The following DEPTOR variants were observed in gnomAD, a reference collection of about 807,000 sequenced individuals.
DEPTOR encodes the protein DEP domain-containing mTOR-interacting protein.
Under a neutral mutation model 41.6 loss-of-function variants are expected in DEPTOR, and 41 were observed. The observed-to-expected ratio is 0.98, with a 90% CI of 0.77 to 1.28. The LOEUF (loss-of-function observed/expected upper bound fraction) is 1.28. Ranked by LOEUF, DEPTOR falls within the 50% of genes most tolerant of loss-of-function variation. The pLI is 0.00. For missense variants in DEPTOR, 514 were observed against 527.9 expected, an observed-to-expected ratio of 0.97 and a Z score of 0.26; for synonymous variants, 195 against 192.3, an observed-to-expected ratio of 1.01 and a Z score of -0.12.
rs551767124 is a variant in DEPTOR at position 120,049,457 on chromosome 8, G to A, written c.1102-119G>A. 1.7e-5 allele frequency: 20 copies of A among 1,200,900 alleles called. No individual in the cohort carries two copies. The South Asian group carries it at 3.9e-4, about 23-fold the overall frequency. The allele number at this position is 1,200,900 out of a possible 1,614,324, so 74.4% of individuals were successfully genotyped here. ...ATTATTGAATTGGAGTCGTCAGCTGGATACATTTGGATATTTTAAGAATGA... is the reference window on the plus strand; with the variant it reads ...ATTATTGAATTGGAGTCGTCAGCTGAATACATTTGGATATTTTAAGAATGA... On this transcript the variant is annotated intron_variant, in intron 8 of 8. Coordinates refer to ENST00000286234, the MANE Select transcript of DEPTOR (RefSeq NM_022783.4).
chr8:119,997,158 T>G (rs1812278881), intron 4 of DEPTOR, among the ~76,000 whole-genome samples: 1 of 152,230 alleles, frequency 6.6e-6, no homozygotes, highest in Non-Finnish European at 1.5e-5. Context: ...TTTCCCAAGC[T>G]GGTCTTGAAT....
intron 8 of DEPTOR, among the ~76,000 whole-genome samples, chr8:120,014,665 C>A (rs1167272386): frequency 2.6e-5 from 4 of 151,852 alleles, no homozygotes. Flanking sequence ...GTAGCTGGGA[C>A]TACAGGCATG....
At chr8:119,935,999 GTTT>G (rs67211224) in intron 3 of DEPTOR, among the ~76,000 whole-genome samples, 8 of 123,850 alleles carry the variant, frequency 6.5e-5, no homozygotes, top group East Asian at 5.0e-4. Flanking sequence ...TAGTCTAGTT[GTTT>G]TTTTTTTTTT....
At chr8:120,018,501 C>T (rs569599329) in intron 8 of DEPTOR, among the ~76,000 whole-genome samples, 1 of 152,166 alleles carries the variant, frequency 6.6e-6, no homozygotes, top group Non-Finnish European at 1.5e-5. Flanking sequence ...ATTGCTTGAA[C>T]CCGGGAGGTG....
chr8:120,022,260 G>A (rs1445896042), intron 8 of DEPTOR, among the ~76,000 whole-genome samples: 1 of 151,094 alleles, frequency 6.6e-6, no homozygotes, highest in Non-Finnish European at 1.5e-5. Context: ...GGTATTACAA[G>A]TTCAAGCCCC....
At chr8:119,991,166 TG>T (rs1812168528) in intron 4 of DEPTOR, among the ~76,000 whole-genome samples, 1 of 151,228 alleles carries the variant, frequency 6.6e-6, no homozygotes, top group African/African-American at 2.4e-5. Flanking sequence ...TGCGAAGGTT[TG>T]TTATGTAAGT....
At chr8:120,022,847 C>A (rs574282540) in intron 8 of DEPTOR, among the ~76,000 whole-genome samples, 3 of 152,158 alleles carry the variant, frequency 2.0e-5, no homozygotes, top group Admixed American at 6.6e-5. Flanking sequence ...AAACTGCCCC[C>A]ACTTGTAAAG....
At chr8:120,028,471 T>TTTTC (rs1216259803) in intron 8 of DEPTOR, among the ~76,000 whole-genome samples, 4 of 148,770 alleles carry the variant, frequency 2.7e-5, no homozygotes, top group Non-Finnish European at 5.9e-5. Context: ...TTTTTTTTTT[T>TTTTC]TTTCCTGAGA....
rs1049905595 is a variant in DEPTOR at position 119,965,424 on chromosome 8, G to A, written c.604+14G>A. The A allele has an allele frequency of 2.5e-6, 4 of 1,606,100 alleles. No homozygotes were observed. The highest frequency in any genetic ancestry group is 1.3e-5 in the African/African-American group (1 of 74,574). ...TCATCCAGCATGGTGAGCGTATTGG[G>A]CAGCTTTTGCTGCAGGAACAAACAG... On this transcript the variant is annotated intron_variant, in intron 4 of 8. Transcript: ENST00000286234.
At chr8:119,942,884 G>A (rs1563972076) in intron 3 of DEPTOR, among the ~76,000 whole-genome samples, 1 of 152,176 alleles carries the variant, frequency 6.6e-6, no homozygotes, top group East Asian at 1.9e-4. Context: ...TCTAATGCAG[G>A]ATATGCTAGG....
intron 4 of DEPTOR, among the ~76,000 whole-genome samples, chr8:119,986,035 T>G (rs11985398): frequency 6.6e-6 from 1 of 152,000 alleles, no homozygotes; most frequent in East Asian, 1.9e-4. Context: ...ACATTTAAGG[T>G]TAATATTGTT....
chr8:119,974,632 C>T (rs1294736039), intron 4 of DEPTOR, among the ~76,000 whole-genome samples: 4 of 152,036 alleles, frequency 2.6e-5, no homozygotes, highest in Non-Finnish European at 4.4e-5. Context: ...ATTAGGCAGG[C>T]TTGATGGTGT....
At chr8:119,930,010 T>C in intron 3 of DEPTOR, 72 bp downstream of exon 3, 3 of 1,505,588 alleles carry the variant, frequency 2.0e-6, no homozygotes, top group South Asian at 2.7e-5. Flanking sequence ...AGTCTCATTA[T>C]GTTGATTTCA....
intron 3 of DEPTOR, among the ~76,000 whole-genome samples, chr8:119,930,634 CA>C (rs1244378337): frequency 6.6e-6 from 1 of 152,070 alleles, no homozygotes; most frequent in Non-Finnish European, 1.5e-5. Context: ...TTGGTCAGGC[CA>C]GGAGATGAGT....
chr8:119,905,280 T>A (rs960943722), intron 1 of DEPTOR, among the ~76,000 whole-genome samples: 15 of 152,072 alleles, frequency 9.9e-5, no homozygotes, highest in African/African-American at 3.4e-4. Context: ...CAACCCAGCA[T>A]GAGAATTTCT....
At chr8:119,894,876 GGT>G (rs553403606) in intron 1 of DEPTOR, among the ~76,000 whole-genome samples, 57 of 152,166 alleles carry the variant, frequency 3.7e-4, no homozygotes, top group African/African-American at 1.3e-3. Context: ...CTTTCTCAAA[GGT>G]TACATCTGAA....
At chr8:119,912,783 C>T (rs920271300) in intron 1 of DEPTOR, among the ~76,000 whole-genome samples, 23 of 152,188 alleles carry the variant, frequency 1.5e-4, no homozygotes, top group Non-Finnish European at 2.8e-4. Context: ...TTGTGGCTTA[C>T]GGTAGATCTT....
intron 4 of DEPTOR, among the ~76,000 whole-genome samples, chr8:119,966,441 C>G (rs1347931324): frequency 6.6e-6 from 1 of 152,204 alleles, no homozygotes; most frequent in Non-Finnish European, 1.5e-5. Context: ...ACACTTTCCC[C>G]TTTGCCCTCT....
At chr8:119,964,618 A>G (rs1299141348) in intron 3 of DEPTOR, among the ~76,000 whole-genome samples, 1 of 152,112 alleles carries the variant, frequency 6.6e-6, no homozygotes. Context: ...CAATTAGGAA[A>G]GAAATACTAG....
Sources: allele counts gnomAD v4.1 joint callset (sites outside exome capture counted in the v4.1 genomes callset), GRCh38; gene constraint gnomAD v4.1.1; transcripts MANE v1.5; gene names NCBI Gene and HGNC (gene_info 2026-07-23, HGNC 2026-07-21).